Variants in MAGI2 observed in about 807,000 individuals in gnomAD.
The protein encoded by MAGI2 is membrane-associated guanylate kinase, WW and PDZ domain-containing protein 2.
In MAGI2, 35 loss-of-function variants were observed where a neutral mutation model predicts 133.3. The observed-to-expected ratio is 0.26, with a 90% confidence interval of 0.20 to 0.35. The LOEUF is 0.35. MAGI2 is among the 10% of genes least tolerant of loss of function. MAGI2 has a pLI of 1.00. For synonymous variants in MAGI2, 729 were observed against 710.6 expected (o/e 1.03, Z -0.41); for missense variants, 1,636 against 1,863.4 (o/e 0.88, Z 2.25).
intron 1 of MAGI2, among the ~76,000 whole-genome samples, chr7:79,104,310 A>AT (rs1818254292): frequency 6.6e-6 from 1 of 152,156 alleles, no homozygotes; most frequent in South Asian, 2.1e-4. Flanking sequence ...TGGGGACCAT[A>AT]TCTCATTTAA....
chr7:78,710,902 A>G (rs575381344), intron 2 of MAGI2, among the ~76,000 whole-genome samples: 1 of 152,314 alleles, frequency 6.6e-6, no homozygotes, highest in East Asian at 1.9e-4. Context: ...TGCTCTTACC[A>G]TCTAGAAAAT....
chr7:78,458,838 G>C (rs1395033386), intron 6 of MAGI2, among the ~76,000 whole-genome samples: 1 of 152,098 alleles, frequency 6.6e-6, no homozygotes, highest in African/African-American at 2.4e-5. Context: ...GTTTCTCCGT[G>C]TTAGCCAGGA....
intron 2 of MAGI2, among the ~76,000 whole-genome samples, chr7:78,656,128 G>A (rs576738980): frequency 5.9e-5 from 9 of 152,054 alleles, no homozygotes; most frequent in Non-Finnish European, 1.0e-4. Flanking sequence ...ATACTAGAGT[G>A]GTCAAAAACA....
At chr7:78,839,831 A>G (rs1315412165) in intron 2 of MAGI2, among the ~76,000 whole-genome samples, 1 of 152,074 alleles carries the variant, frequency 6.6e-6, no homozygotes, top group African/African-American at 2.4e-5. Flanking sequence ...GTTCACTCAT[A>G]ATGAAAATGG....
At position 78,134,809 on chromosome 7, in the gene MAGI2, T is replaced by A. The variant is rs1284911799; in HGVS notation, c.3031+212A>T. ...GCCTGCAATGTCACATAGCTTGACC[T>A]CTGAATGAAACAGGTACTGAGTAAA... On this transcript the variant is annotated intron_variant, in intron 17 of 21. Transcript: ENST00000354212. The A allele has an allele frequency of 9.4e-5, 48 of 509,446 alleles. No individual in the cohort carries two copies. The East Asian group carries it at 1.5e-3, about 15-fold the overall frequency. The allele number at this position is 509,446 out of a possible 1,614,324, so 31.6% of individuals were successfully genotyped here. A position where few individuals can be genotyped will look rare whatever the true frequency, so the allele number is the denominator to read the frequency against.
chr7:78,494,232 C>G (rs1017683932), intron 5 of MAGI2, among the ~76,000 whole-genome samples: 19 of 152,212 alleles, frequency 1.2e-4, no homozygotes, highest in African/African-American at 4.6e-4. Flanking sequence ...ACTGGGATTA[C>G]AGGCATGAAC....
chr7:79,307,176 A>C (rs1837894597), intron 1 of MAGI2, among the ~76,000 whole-genome samples: 1 of 152,144 alleles, frequency 6.6e-6, no homozygotes. Context: ...AGTTAGTGAC[A>C]AGTGTGGTAC....
chr7:78,323,004 C>T (rs1324540744), intron 9 of MAGI2, among the ~76,000 whole-genome samples: 3 of 147,546 alleles, frequency 2.0e-5, no homozygotes, highest in Non-Finnish European at 4.4e-5. Context: ...TGAGCATTTT[C>T]TCATCTAAAA....
chr7:78,053,945 A>G (rs1812286431), intron 21 of MAGI2, among the ~76,000 whole-genome samples: 2 of 146,574 alleles, frequency 1.4e-5, no homozygotes, highest in African/African-American at 5.2e-5. Flanking sequence ...TTGATTTTTC[A>G]AGCACACTTG....
intron 6 of MAGI2, among the ~76,000 whole-genome samples, chr7:78,407,607 TG>T (rs1797501320): frequency 6.6e-6 from 1 of 151,420 alleles, no homozygotes; most frequent in African/African-American, 2.4e-5. Context: ...CAAATGGGTT[TG>T]GGGTTAACAA....
At chr7:78,232,145 G>A (rs1479505005) in intron 10 of MAGI2, among the ~76,000 whole-genome samples, 4 of 152,024 alleles carry the variant, frequency 2.6e-5, no homozygotes, top group Admixed American at 6.5e-5. Flanking sequence ...AAAATTGGCA[G>A]GCAAACTCAT....
At chr7:79,085,133 C>T (rs571041418) in intron 1 of MAGI2, among the ~76,000 whole-genome samples, 2 of 151,582 alleles carry the variant, frequency 1.3e-5, no homozygotes, top group East Asian at 3.9e-4. Context: ...GATGATTTTC[C>T]ACAGTTTTCT....
chr7:78,428,570 T>C (rs1799500893), intron 6 of MAGI2, among the ~76,000 whole-genome samples: 1 of 152,212 alleles, frequency 6.6e-6, no homozygotes, highest in Non-Finnish European at 1.5e-5. Flanking sequence ...AAATTCATGC[T>C]AGAGTCCTCC....
At chr7:79,137,450 GTTTTTTTTTT>G (rs376997399) in intron 1 of MAGI2, among the ~76,000 whole-genome samples, 1 of 133,300 alleles carries the variant, frequency 7.5e-6, no homozygotes, top group East Asian at 2.2e-4. Context: ...GGTGTTTTTT[GTTTTTTTTTT>G]TTTTTGAGAC....
chr7:79,445,447 G>A (rs1442181173), intron 1 of MAGI2, among the ~76,000 whole-genome samples: 10 of 151,998 alleles, frequency 6.6e-5, no homozygotes, highest in South Asian at 2.1e-4. Flanking sequence ...AGAATCTACA[G>A]TGAACTCAAA....
intron 14 of MAGI2, among the ~76,000 whole-genome samples, chr7:78,177,311 A>G (rs540264858): frequency 2.0e-5 from 3 of 152,190 alleles, no homozygotes; most frequent in African/African-American, 7.2e-5. Context: ...ATCTTTTACA[A>G]TGAGTGTTTT....
intron 21 of MAGI2, among the ~76,000 whole-genome samples, chr7:78,034,678 C>T (rs1011134789): frequency 6.6e-6 from 1 of 152,106 alleles, no homozygotes; most frequent in African/African-American, 2.4e-5. Context: ...CAGTTGTGCA[C>T]CACCACGCCT....
chr7:79,102,842 T>C (rs1352011298), intron 1 of MAGI2, among the ~76,000 whole-genome samples: 2 of 152,222 alleles, frequency 1.3e-5, no homozygotes, highest in Admixed American at 6.5e-5. Context: ...ATCTAGGTGT[T>C]GCTGCGAAGA....
chr7:79,224,103 A>G (rs972810108), intron 1 of MAGI2, among the ~76,000 whole-genome samples: 1 of 152,084 alleles, frequency 6.6e-6, no homozygotes, highest in Non-Finnish European at 1.5e-5. Context: ...TTCAAACAGG[A>G]AACTACTGGG....
Sources: allele counts gnomAD v4.1 joint callset (sites outside exome capture counted in the v4.1 genomes callset), GRCh38; gene constraint gnomAD v4.1.1; transcripts MANE v1.5; gene names NCBI Gene and HGNC (gene_info 2026-07-23, HGNC 2026-07-21).